RASGRP1: variants seen among roughly 807,000 people sequenced by gnomAD.
The protein encoded by RASGRP1 is RAS guanyl releasing protein 1, also known as RAS guanyl-releasing protein 1.
Under a neutral mutation model 95.1 loss-of-function variants are expected in RASGRP1, and 37 were observed. The ratio of observed to expected loss-of-function variants is 0.39; its 90% CI spans 0.30 to 0.51. The LOEUF is 0.51. Among genes scored for constraint, RASGRP1 ranks in the 20% least tolerant of loss-of-function variants. RASGRP1 has a pLI of 0.80. For missense variants in RASGRP1, 711 were observed against 965.4 expected, an observed-to-expected ratio of 0.74 and a Z score of 3.49; for synonymous variants, 325 against 353.4, an observed-to-expected ratio of 0.92 and a Z score of 0.90.
chr15:38,513,649 T>C (rs1595844430), intron 6 of RASGRP1, among the ~76,000 whole-genome samples: 1 of 152,324 alleles, frequency 6.6e-6, no homozygotes, highest in South Asian at 2.1e-4. Context: ...TTGACTACAG[T>C]TGGCAATGAA....
chr15:38,530,422 T>TA (rs1892389873), intron 2 of RASGRP1, among the ~76,000 whole-genome samples: 1 of 152,054 alleles, frequency 6.6e-6, no homozygotes. Flanking sequence ...ATAGAGAAGG[T>TA]AAAAAGTCAG....
intron 2 of RASGRP1, among the ~76,000 whole-genome samples, chr15:38,553,787 A>G (rs1893431000): frequency 6.6e-6 from 1 of 152,204 alleles, no homozygotes; most frequent in Admixed American, 6.5e-5. Flanking sequence ...CCAGGGTTTC[A>G]GACCTGCTCT....
At position 38,538,154 on chromosome 15, in the gene RASGRP1, C is replaced by T. The variant is rs1162948535; in HGVS notation, c.221-11750G>A. The stretch of plus-strand genomic sequence containing the variant: ...TGGTGGGCGCCTGTAATCTCAGCTA[C>T]TCAGGAGGCTGAGGCATGAGAATAG... On this transcript the variant is annotated intron_variant, in intron 2 of 16. Transcript: ENST00000310803. Among the ~76,000 whole-genome samples, 3 of 152,242 alleles carry T rather than the reference C, an allele frequency of 2.0e-5. No individual in the cohort carries two copies. In the East Asian group the frequency reaches 5.8e-4, roughly 29 times the overall value.
chr15:38,523,448 G>A (rs932233782), intron 3 of RASGRP1, among the ~76,000 whole-genome samples: 1 of 152,186 alleles, frequency 6.6e-6, no homozygotes, highest in Non-Finnish European at 1.5e-5. Flanking sequence ...TTACACAGCT[G>A]TACACTGTGT....
At chr15:38,495,977 A>G (rs1298982511) in intron 15 of RASGRP1, among the ~76,000 whole-genome samples, 5 of 152,198 alleles carry the variant, frequency 3.3e-5, no homozygotes. Flanking sequence ...TTTGAGGAGC[A>G]AAAGGAAGAA....
At chr15:38,558,449 T>G (rs779675102) in intron 2 of RASGRP1, among the ~76,000 whole-genome samples, 1 of 152,200 alleles carries the variant, frequency 6.6e-6, no homozygotes, top group Non-Finnish European at 1.5e-5. Flanking sequence ...TACTAAAAAT[T>G]CTTCCTCTTT....
chr15:38,516,482 C>A, intron 5 of RASGRP1, 132 bp from the exon 6 acceptor site: 1 of 1,119,698 alleles, frequency 8.9e-7, no homozygotes, highest in Admixed American at 2.3e-5. Flanking sequence ...AATGCCAAAA[C>A]AGTGCATTCA....
intron 2 of RASGRP1, among the ~76,000 whole-genome samples, chr15:38,527,493 T>C (rs1010233091): frequency 6.6e-6 from 1 of 152,204 alleles, no homozygotes; most frequent in African/African-American, 2.4e-5. Context: ...TGAGTGTTGA[T>C]AGTTTCTGGA....
chr15:38,498,876 G>A lies in RASGRP1; in HGVS notation c.1791C>T (p.Asn597=), dbSNP rs756824900. The part of the protein sequence containing the change: ...VVFECKKRAK[N]PVAPTENNTS... ...TGTTGTTCTCTGTGGGAGCTACTGG[G>A]TTCTTGGCTCGCTTCTTACACTCAA... The change falls in exon 15 of 17, where the codon AAC becomes AAT. Residue 597 remains asparagine (N), a synonymous_variant. Coordinates refer to ENST00000310803, the MANE Select transcript of RASGRP1 (RefSeq NM_005739.4). 1.2e-6 allele frequency: 2 copies of A among 1,613,836 alleles called. No individual in the cohort carries two copies. The highest frequency in any genetic ancestry group is 1.7e-6 in the Non-Finnish European group (2 of 1,179,842).
chr15:38,554,517 A>G (rs1186052008), intron 2 of RASGRP1, among the ~76,000 whole-genome samples: 1 of 152,178 alleles, frequency 6.6e-6, no homozygotes, highest in Non-Finnish European at 1.5e-5. Flanking sequence ...GGGGCCTGCA[A>G]CAAACACTGC....
At chr15:38,509,948 C>T (rs1891434895) in intron 8 of RASGRP1, among the ~76,000 whole-genome samples, 1 of 152,046 alleles carries the variant, frequency 6.6e-6, no homozygotes, top group Admixed American at 6.5e-5. Context: ...GGAGTCAGAC[C>T]CCTTCAAATC....
chr15:38,556,799 A>C (rs1893574801), intron 2 of RASGRP1, among the ~76,000 whole-genome samples: 1 of 152,244 alleles, frequency 6.6e-6, no homozygotes, highest in African/African-American at 2.4e-5. Flanking sequence ...TCCTGAAAGC[A>C]AGAAGGTGAG....
At chr15:38,552,403 G>C (rs963829109) in intron 2 of RASGRP1, among the ~76,000 whole-genome samples, 4 of 152,196 alleles carry the variant, frequency 2.6e-5, no homozygotes, top group African/African-American at 9.7e-5. Context: ...CTGGGAAACA[G>C]TGGTGTGCTG....
At chr15:38,505,756 A>AAT in intron 10 of RASGRP1, 84 bp downstream of exon 10, 3 of 1,096,274 alleles carry the variant, frequency 2.7e-6, no homozygotes, top group Non-Finnish European at 4.1e-6. Context: ...ACTGAACTGA[A>AAT]AGTCTGTTCC....
intron 3 of RASGRP1, among the ~76,000 whole-genome samples, chr15:38,524,962 TTTTC>T (rs1262555855): frequency 1.7e-5 from 2 of 117,710 alleles, no homozygotes; most frequent in African/African-American, 7.5e-5. Flanking sequence ...CGAGGTACAA[TTTTC>T]TTTCTTTTTT....
chr15:38,553,699 G>T (rs546560835), intron 2 of RASGRP1, among the ~76,000 whole-genome samples: 1 of 152,328 alleles, frequency 6.6e-6, no homozygotes, highest in South Asian at 2.1e-4. Flanking sequence ...CCAACAGACA[G>T]GCGTGCTGTA....
chr15:38,506,416 C>T (rs191830125), intron 9 of RASGRP1, among the ~76,000 whole-genome samples: 7 of 152,262 alleles, frequency 4.6e-5, no homozygotes, highest in Middle Eastern at 3.4e-3. Context: ...AGGTTGATTG[C>T]TTGAGCTCAG....
chr15:38,562,984 A>C (rs1893875189), intron 1 of RASGRP1, among the ~76,000 whole-genome samples: 1 of 152,196 alleles, frequency 6.6e-6, no homozygotes, highest in South Asian at 2.1e-4. Context: ...GGAAGTATGG[A>C]GCCCAGAGAG....
intron 2 of RASGRP1, among the ~76,000 whole-genome samples, chr15:38,539,566 ATTTATTTATT>A (rs920275165): frequency 2.1e-5 from 3 of 144,696 alleles, no homozygotes; most frequent in Non-Finnish European, 4.5e-5. Flanking sequence ...TTTTGTTTTT[ATTTATTTATT>A]TATTATTATT....
Sources: allele counts gnomAD v4.1 joint callset (sites outside exome capture counted in the v4.1 genomes callset), GRCh38; gene constraint gnomAD v4.1.1; transcripts MANE v1.5; gene names NCBI Gene and HGNC (gene_info 2026-07-23, HGNC 2026-07-21).